The following CILK1 variants were observed in gnomAD, a reference collection of about 807,000 sequenced individuals.
CILK1 encodes the protein serine/threonine-protein kinase ICK.
A neutral mutation model predicts 79.2 loss-of-function variants in CILK1; 47 were observed. The observed-to-expected ratio is 0.59, with a 90% CI of 0.47 to 0.76. The LOEUF is 0.76. Among genes scored for constraint, CILK1 ranks in the 30% least tolerant of loss-of-function variants. CILK1 has a pLI of 0.00. For synonymous variants in CILK1, 266 were observed against 275.9 expected, an observed-to-expected ratio of 0.96 and a Z score of 0.36; for missense variants, 660 against 769.5, an observed-to-expected ratio of 0.86 and a Z score of 1.68.
At chr6:53,030,973 T>C in intron 5 of CILK1, 92 bp downstream of exon 5, 2 of 861,764 alleles carry the variant, frequency 2.3e-6, no homozygotes. Flanking sequence ...TTTCTGGGAG[T>C]CAGCTACAAA....
In CILK1 at chr6:53,004,898, G is replaced by A; in HGVS notation, c.*251C>T. 2 of 413,014 alleles carry A rather than the reference G, an allele frequency of 4.8e-6. No homozygotes were observed. Among genetic ancestry groups the A allele is most frequent in the Non-Finnish European group, 8.7e-6 (2 of 229,532 alleles). The allele number at this position is 413,014 out of a possible 1,614,324, so 25.6% of individuals were successfully genotyped here. A position where few individuals can be genotyped will look rare whatever the true frequency, so the allele number is the denominator to read the frequency against. ...ACATAATCCATATATACAAAATGCT[G>A]TTGTTTAAGAAAATAATGGGACCCA... is the stretch of plus-strand genomic sequence containing the variant. On this transcript the variant is annotated 3_prime_UTR_variant, in exon 14 of 14. Transcript: ENST00000676107.
intron 1 of CILK1, among the ~76,000 whole-genome samples, chr6:53,050,870 AT>A (rs1337585667): frequency 1.2e-4 from 18 of 152,196 alleles, no homozygotes; most frequent in Admixed American, 1.2e-3. Flanking sequence ...ATAAATATGC[AT>A]TTTTGATATA....
At chr6:53,024,634 C>A (rs1411792270) in intron 5 of CILK1, among the ~76,000 whole-genome samples, 4 of 152,092 alleles carry the variant, frequency 2.6e-5, no homozygotes, top group African/African-American at 9.7e-5. Context: ...CATGGTTTGT[C>A]TTCCTAAAAA....
At chr6:53,048,872 G>A (rs1008508857) in intron 1 of CILK1, among the ~76,000 whole-genome samples, 8 of 152,124 alleles carry the variant, frequency 5.3e-5, no homozygotes, top group East Asian at 1.9e-4. Flanking sequence ...GCCATGGCTC[G>A]GACTTACGAG....
chr6:53,005,229 C>T lies in CILK1; in HGVS notation c.1819G>A (p.Gly607Arg). The T allele has an allele frequency of 6.2e-7, 1 of 1,614,194 alleles. No homozygotes were observed. Among genetic ancestry groups the T allele is most frequent in the Non-Finnish European group, 8.5e-7 (1 of 1,180,034 alleles). ...GCGGCTGGAGGCCGTGGTATCAACC[C>T]AGGAGTGCTTCTAGGCTGGGTGTGG... ...FFHTQPRSTP[G>R]LIPRPPAAQP... Residue 607 changes from glycine (G) to arginine (R), a missense_variant, in exon 14 of 14, where the codon GGG (glycine) becomes AGG (arginine). Coordinates refer to ENST00000676107, the MANE Select transcript of CILK1 (RefSeq NM_014920.5).
At chr6:53,008,101 A>G (rs1022011284) in intron 12 of CILK1, among the ~76,000 whole-genome samples, 2 of 151,624 alleles carry the variant, frequency 1.3e-5, no homozygotes, top group African/African-American at 4.8e-5. Context: ...ATTGCAATCA[A>G]CTTATGTATT....
At position 53,006,362 on chromosome 6, in the gene CILK1, G is replaced by A. The variant is rs547368847; in HGVS notation, c.1697C>T (p.Ser566Phe). ...VPSFLKKEIG[S>F]AMQRVHLAPI... Reference sequence around the variant, plus strand: ...TGCTAGGTGTACCCTCTGCATAGCAGAACCGATTTCTTTTTTCAGAAAGGA... The same window carrying A: ...TGCTAGGTGTACCCTCTGCATAGCAAAACCGATTTCTTTTTTCAGAAAGGA... The change falls in exon 13 of 14, where the codon TCT becomes TTT. Residue 566 changes from serine to phenylalanine, a missense_variant. Ser to Phe is a radical substitution (Grantham distance 155, BLOSUM62 -2). Transcript: ENST00000676107. The A allele has an allele frequency of 6.2e-7, 1 of 1,613,866 alleles. No individual in the cohort carries two copies. The highest frequency in any genetic ancestry group is 2.2e-5 in the East Asian group (1 of 44,878).
At position 53,027,002 on chromosome 6, in the gene CILK1, A is replaced by G. The variant is rs1765621870; in HGVS notation, c.358+4063T>C. Among the ~76,000 whole-genome samples, 4 of 152,230 alleles carry G rather than the reference A, an allele frequency of 2.6e-5. No individual in the cohort carries two copies. The South Asian group carries it at 8.3e-4, about 31-fold the overall frequency. The stretch of plus-strand genomic sequence containing the variant: ...TTTCTCCCCTCTACCACATTTTGTT[A>G]TTGATGAATCAGATATGAATATATG... On this transcript the variant is annotated intron_variant, in intron 5 of 13. Transcript: ENST00000676107.
At chr6:53,032,752 C>T (rs911418679) in intron 3 of CILK1, 98 bp from the exon 4 acceptor site, 11 of 973,180 alleles carry the variant, frequency 1.1e-5, no homozygotes, top group Non-Finnish European at 1.7e-5. Context: ...AAAGAAACAA[C>T]TAATTTTAGA....
chr6:53,038,294 T>C (rs1002090213), intron 2 of CILK1, among the ~76,000 whole-genome samples: 2 of 152,222 alleles, frequency 1.3e-5, no homozygotes, highest in Non-Finnish European at 2.9e-5. Flanking sequence ...GCTTATTCTA[T>C]TTAGACCAGA....
chr6:53,050,696 T>C (rs1383453390), intron 1 of CILK1, among the ~76,000 whole-genome samples: 1 of 151,628 alleles, frequency 6.6e-6, no homozygotes, highest in Non-Finnish European at 1.5e-5. Context: ...TGGTGGTGCA[T>C]TCCTGTAGTT....
chr6:53,041,409 C>T lies in CILK1; in HGVS notation c.-172-1G>A. ...ATATTTCCAAAAATCAGTCTTCTGCCTGCAGAGAAAAATGAGAGACAAGGA... is the reference window on the plus strand; with the variant it reads ...ATATTTCCAAAAATCAGTCTTCTGCTTGCAGAGAAAAATGAGAGACAAGGA... On this transcript the variant is annotated splice_acceptor_variant, in intron 1 of 13. Coordinates refer to ENST00000676107, the MANE Select transcript of CILK1 (RefSeq NM_014920.5). LOFTEE classifies it low-confidence loss of function (5UTR_SPLICE). 1.6e-6 allele frequency: 1 copy of T among 613,112 alleles called. No homozygotes were observed. 38.0% of individuals were successfully genotyped at this position (613,112 alleles called of 1,614,324 possible).
intron 1 of CILK1, among the ~76,000 whole-genome samples, chr6:53,053,445 A>G (rs548480908): frequency 6.6e-6 from 1 of 152,370 alleles, no homozygotes; most frequent in East Asian, 1.9e-4. Context: ...TAGTACTATT[A>G]TAAGTGCTTA....
chr6:53,026,941 C>T (rs1321453199), intron 5 of CILK1, among the ~76,000 whole-genome samples: 1 of 152,134 alleles, frequency 6.6e-6, no homozygotes, highest in Non-Finnish European at 1.5e-5. Context: ...CATTAATAAC[C>T]CTTGGGCAAG....
Position 53,012,166 on chromosome 6 carries a change from C to A in CILK1, c.1214G>T (p.Trp405Leu). 1 of 1,614,146 alleles carries A rather than the reference C, an allele frequency of 6.2e-7. No individual in the cohort carries two copies. Among genetic ancestry groups the A allele is most frequent in the South Asian group, 1.1e-5 (1 of 91,076 alleles). The change falls in exon 10 of 14, where the codon TGG becomes TTG. Residue 405 changes from tryptophan to leucine, a missense_variant. Transcript: ENST00000676107. ...CTTTGTTGACCTGGAAATAAGACCCCACCTTCTCCTACTCTTTGGCTTTAT... is the reference window on the plus strand; with the variant it reads ...CTTTGTTGACCTGGAAATAAGACCCAACCTTCTCCTACTCTTTGGCTTTAT... ...GEIKPKSRRR[W>L]GLISRSTKDS...
In CILK1 at chr6:53,005,053, T is replaced by C. The variant is rs1487332868; in HGVS notation, c.*96A>G. 3 of 1,370,970 alleles carry C rather than the reference T, an allele frequency of 2.2e-6. No individual in the cohort carries two copies. In the East Asian group the frequency reaches 6.9e-5, roughly 31 times the overall value. 84.9% of individuals were successfully genotyped at this position (1,370,970 alleles called of 1,614,324 possible). On this transcript the variant is annotated 3_prime_UTR_variant, in exon 14 of 14. Coordinates refer to ENST00000676107, the MANE Select transcript of CILK1 (RefSeq NM_014920.5). Reference sequence around the variant, plus strand: ...ATAACTATAAAGTGTTGATTTGCTTTTATGCCCTCTGCACATCTTGCAGGT... The same window carrying C: ...ATAACTATAAAGTGTTGATTTGCTTCTATGCCCTCTGCACATCTTGCAGGT...
At position 53,011,922 on chromosome 6, in the gene CILK1, A is replaced by G. The variant is rs748152932; in HGVS notation, c.1344-5T>C. On this transcript the variant is annotated splice_polypyrimidine_tract_variant and splice_region_variant and intron_variant, in intron 10 of 13. Transcript: ENST00000676107. ...AGGTCCAAAACACTCTCAAACCTGA[A>G]TGAAGAGAGCATGGCTTGGGTCAGC... 1.2e-6 allele frequency: 2 copies of G among 1,614,200 alleles called. No individual in the cohort carries two copies. The highest frequency in any genetic ancestry group is 1.7e-6 in the Non-Finnish European group (2 of 1,180,022).
chr6:53,006,031 A>C (rs546447998), intron 13 of CILK1, among the ~76,000 whole-genome samples: 49 of 152,258 alleles, frequency 3.2e-4, no homozygotes, highest in Non-Finnish European at 1.5e-5. Flanking sequence ...ACTCCTTTGC[A>C]GTGAGCTCTT....
chr6:53,011,969 C>T (rs374241466), intron 10 of CILK1, 52 bp from the exon 11 acceptor site: 553 of 1,613,842 alleles, frequency 3.4e-4, no homozygotes, highest in Non-Finnish European at 4.2e-4. Context: ...TATGTATTCT[C>T]GGATATGTAC....
Sources: gnomAD v4.1 joint callset for allele counts (sites outside exome capture counted in the v4.1 genomes callset) on GRCh38, gnomAD v4.1.1 for gene constraint, MANE v1.5 for transcripts, NCBI Gene and HGNC (gene_info 2026-07-23, HGNC 2026-07-21) for gene names.